Variants in PTPRQ observed in about 807,000 individuals in gnomAD.
PTPRQ encodes the protein phosphatidylinositol phosphatase PTPRQ.
In PTPRQ, 199 loss-of-function variants were observed where a neutral mutation model predicts 246.0. That is an observed-to-expected ratio of 0.81 (90% CI 0.72 to 0.91). The LOEUF (loss-of-function observed/expected upper bound fraction) is 0.91, where lower values mean the gene tolerates loss of function less well. Among genes scored for constraint, PTPRQ ranks in the 40% least tolerant of loss-of-function variants. The pLI is 0.00. For missense variants in PTPRQ, 2,624 were observed against 2,528.4 expected (o/e 1.04, Z -0.81); for synonymous variants, 869 against 853.2 (o/e 1.02, Z -0.32).
intron 6 of PTPRQ, chr12:80,462,896 A>AT (rs549079014): frequency 0.19 from 25,115 of 135,380 alleles, 1,022 homozygotes; most frequent in Non-Finnish European, 0.22. Context: ...CCAAAAGTAG[A>AT]TAAAACCACA....
At chr12:80,597,640 G>T (rs1178836175) in intron 26 of PTPRQ, among the ~76,000 whole-genome samples, 1 of 151,908 alleles carries the variant, frequency 6.6e-6, no homozygotes, top group Non-Finnish European at 1.5e-5. Flanking sequence ...GTAATCATTG[G>T]TCATCTAATC....
chr12:80,643,528 G>A (rs1899965899), intron 35 of PTPRQ, among the ~76,000 whole-genome samples: 1 of 152,072 alleles, frequency 6.6e-6, no homozygotes, highest in Non-Finnish European at 1.5e-5. Context: ...ACCAACCATG[G>A]GTTAGGATAT....
intron 8 of PTPRQ, among the ~76,000 whole-genome samples, chr12:80,481,765 C>A (rs1402425639): frequency 1.3e-5 from 2 of 152,036 alleles, no homozygotes; most frequent in African/African-American, 4.8e-5. Flanking sequence ...TGAGTGAACT[C>A]CCATTCACAG....
chr12:80,474,540 G>T (rs1893752047), intron 8 of PTPRQ, among the ~76,000 whole-genome samples: 1 of 152,078 alleles, frequency 6.6e-6, no homozygotes, highest in Non-Finnish European at 1.5e-5. Context: ...TATTTTAGCA[G>T]TTCTCTTATG....
chr12:80,568,355 T>C (rs1439706324), intron 25 of PTPRQ, among the ~76,000 whole-genome samples: 1 of 152,206 alleles, frequency 6.6e-6, no homozygotes, highest in African/African-American at 2.4e-5. Flanking sequence ...TTATACACTT[T>C]CAAAGTTTAG....
chr12:80,558,250 C>T (rs935108545), intron 25 of PTPRQ, among the ~76,000 whole-genome samples: 1 of 151,448 alleles, frequency 6.6e-6, no homozygotes, highest in South Asian at 2.1e-4. Flanking sequence ...TCACTGCAAC[C>T]TCTGCCTCCC....
chr12:80,634,795 C>G, intron 34 of PTPRQ, 150 bp from the exon 35 acceptor site: 1 of 1,130,534 alleles, frequency 8.8e-7, no homozygotes, highest in Non-Finnish European at 1.2e-6. Flanking sequence ...AAAAAGAAGT[C>G]GAGTAGCTAT....
At chr12:80,661,584 T>A (rs539806719) in intron 39 of PTPRQ, among the ~76,000 whole-genome samples, 7 of 151,624 alleles carry the variant, frequency 4.6e-5, no homozygotes. Flanking sequence ...TACAAATATA[T>A]CACCATCAAT....
chr12:80,484,755 C>A (rs1894217752), intron 9 of PTPRQ, 150 bp downstream of exon 9: 3 of 875,698 alleles, frequency 3.4e-6, no homozygotes, highest in African/African-American at 3.5e-5. Context: ...GATAATCTAG[C>A]TAGATCATAT....
chr12:80,466,860 G>C (rs2120518699), intron 6 of PTPRQ, among the ~76,000 whole-genome samples: 1 of 152,170 alleles, frequency 6.6e-6, no homozygotes, highest in South Asian at 2.1e-4. Context: ...ATCAATTCAA[G>C]ATAGATTAAA....
intron 19 of PTPRQ, among the ~76,000 whole-genome samples, chr12:80,535,914 T>C (rs867738343): frequency 1.3e-5 from 2 of 152,186 alleles, no homozygotes; most frequent in Admixed American, 6.5e-5. Flanking sequence ...GAGATCATCC[T>C]GGCTAACACG....
At chr12:80,466,527 A>C (rs1358332723) in intron 6 of PTPRQ, among the ~76,000 whole-genome samples, 1 of 152,226 alleles carries the variant, frequency 6.6e-6, no homozygotes, top group Non-Finnish European at 1.5e-5. Flanking sequence ...ATATGGAACC[A>C]AAAAGGAGCC....
intron 27 of PTPRQ, 95 bp downstream of exon 27, chr12:80,605,275 T>A: frequency 7.0e-7 from 1 of 1,431,150 alleles, no homozygotes; most frequent in Non-Finnish European, 9.3e-7. Flanking sequence ...TTTGGCTCTG[T>A]TAGACAGTAG....
chr12:80,510,375 G>C lies in PTPRQ; in HGVS notation c.2610G>C (p.Thr870=). 1 of 1,549,698 alleles carries C rather than the reference G, an allele frequency of 6.5e-7. No homozygotes were observed. The highest frequency in any genetic ancestry group is 8.7e-7 in the Non-Finnish European group (1 of 1,145,854). ...DFSVKQLSGV[T]VKLSWQPPLE... ...CTGTAAAACAGTTGTCTGGTGTCAC[G>C]GTGAAGTTGTCATGGCAACCACCCC... The change falls in exon 17 of 45, where the codon ACG becomes ACC. Residue 870 remains threonine, a synonymous_variant. Coordinates refer to ENST00000644991, the MANE Select transcript of PTPRQ (RefSeq NM_001145026.2).
At chr12:80,567,732 G>T (rs1897021903) in intron 25 of PTPRQ, among the ~76,000 whole-genome samples, 1 of 152,114 alleles carries the variant, frequency 6.6e-6, no homozygotes, top group Non-Finnish European at 1.5e-5. Flanking sequence ...TATTAGGAAT[G>T]AAACTGCTCT....
chr12:80,526,064 T>A (rs1592615735), intron 17 of PTPRQ: 1 of 152,290 alleles, frequency 6.6e-6, no homozygotes, highest in East Asian at 1.9e-4. Context: ...TATTTCAGCA[T>A]GTTTGTGGTC....
chr12:80,639,065 A>C (rs1161554288), intron 35 of PTPRQ, among the ~76,000 whole-genome samples: 3 of 152,210 alleles, frequency 2.0e-5, no homozygotes, highest in Non-Finnish European at 4.4e-5. Context: ...TCTTATTGGC[A>C]AGATCAGCAG....
rs371718229 is a variant in PTPRQ at position 80,619,556 on chromosome 12, T to C, written c.5389+14T>C. On this transcript the variant is annotated intron_variant, in intron 31 of 44. Transcript: ENST00000644991. ...CAGAAACAGGAGGTATCATCACATG[T>C]CAATTTATCTTGTTAAATTGTGGAG... 6.7e-7 allele frequency: 1 copy of C among 1,501,248 alleles called. No homozygotes were observed. The highest frequency in any genetic ancestry group is 1.3e-5 in the South Asian group (1 of 74,086). 93.0% of individuals were successfully genotyped at this position (1,501,248 alleles called of 1,614,324 possible).
intron 35 of PTPRQ, among the ~76,000 whole-genome samples, chr12:80,635,380 T>C (rs796306075): frequency 1.1e-4 from 16 of 152,340 alleles, no homozygotes; most frequent in African/African-American, 3.4e-4. Flanking sequence ...TTTCATATGA[T>C]AGATTTTTAC....
Sources: allele counts gnomAD v4.1 joint callset (sites outside exome capture counted in the v4.1 genomes callset), GRCh38; gene constraint gnomAD v4.1.1; transcripts MANE v1.5; gene names NCBI Gene and HGNC (gene_info 2026-07-23, HGNC 2026-07-21).